CORO1C: variants seen among roughly 807,000 people sequenced by gnomAD.
CORO1C encodes coronin 1C, also known as coronin-1C.
CORO1C carries 14 observed loss-of-function variants against 51.2 expected under a neutral mutation model. The ratio of observed to expected loss-of-function variants is 0.27; its 90% confidence interval spans 0.18 to 0.43. The LOEUF (loss-of-function observed/expected upper bound fraction) is 0.43, where lower values mean the gene tolerates loss of function less well. Among genes scored for constraint, CORO1C ranks in the 20% least tolerant of loss-of-function variants. The pLI, the probability that CORO1C is intolerant of heterozygous loss-of-function variation, is 1.00. For synonymous variants in CORO1C, 181 were observed against 210.5 expected (o/e 0.86, Z 1.21); for missense variants, 417 against 607.8 (o/e 0.69, Z 3.30).
chr12:108,704,016 G>T (rs1389135345), intron 1 of CORO1C, among the ~76,000 whole-genome samples: 1 of 152,162 alleles, frequency 6.6e-6, no homozygotes, highest in African/African-American at 2.4e-5. Flanking sequence ...ATTTGAGGAA[G>T]GCCTCTCACT....
intron 2 of CORO1C, among the ~76,000 whole-genome samples, chr12:108,680,465 G>A (rs141619729): frequency 8.0e-4 from 122 of 152,334 alleles, no homozygotes; most frequent in African/African-American, 2.8e-3. Context: ...ACAGGAAGGA[G>A]CCACACAGTT....
intron 1 of CORO1C, among the ~76,000 whole-genome samples, chr12:108,721,645 G>A (rs947177977): frequency 6.6e-6 from 1 of 152,162 alleles, no homozygotes; most frequent in African/African-American, 2.4e-5. Flanking sequence ...AATGAAAAGA[G>A]TTCTTTGAAA....
intron 3 of CORO1C, 139 bp downstream of exon 3, chr12:108,678,133 A>G: frequency 1.6e-6 from 1 of 637,680 alleles, no homozygotes; most frequent in South Asian, 4.4e-5. Context: ...AATTATTGTA[A>G]AATCCAACAG....
At chr12:108,657,075 T>A (rs552086064) in intron 6 of CORO1C, among the ~76,000 whole-genome samples, 3,843 of 151,922 alleles carry the variant, frequency 0.025, 176 homozygotes, top group African/African-American at 0.089. Flanking sequence ...ATTAAAAAAA[T>A]AAAAAATATA....
intron 2 of CORO1C, among the ~76,000 whole-genome samples, chr12:108,695,688 T>A (rs1217534599): frequency 6.6e-6 from 1 of 151,852 alleles, no homozygotes; most frequent in Non-Finnish European, 1.5e-5. Context: ...TGAATCAAGA[T>A]CTCTTCCTCA....
chr12:108,728,497 G>A (rs973592808), intron 1 of CORO1C, among the ~76,000 whole-genome samples: 13 of 152,060 alleles, frequency 8.5e-5, no homozygotes, highest in South Asian at 2.1e-4. Context: ...TTTTGGGGGG[G>A]ATGAAAATGT....
intron 1 of CORO1C, among the ~76,000 whole-genome samples, chr12:108,703,767 C>T (rs1299513964): frequency 1.0e-5 from 1 of 97,596 alleles, no homozygotes; most frequent in East Asian, 1.9e-3. Context: ...CAGGAGAGGC[C>T]TGACTATGGG....
rs1283594793 is a variant in CORO1C at position 108,731,448 on chromosome 12, G to GCGC, written c.-28_-26dup. 1.3e-5 allele frequency: 2 copies of GCGC among 152,912 alleles called. No individual in the cohort carries two copies. Among genetic ancestry groups the GCGC allele is most frequent in the Non-Finnish European group, 2.9e-5 (2 of 68,752 alleles). 9.5% of individuals were successfully genotyped at this position (152,912 alleles called of 1,614,324 possible). A position where few individuals can be genotyped will look rare whatever the true frequency, so the allele number is the denominator to read the frequency against. Reference sequence around the variant, plus strand: ...GCTCACCCGGGCCGAGGTGCCTGAGGCGCCGCCGCCGAAGTCCCCGCTGCA... The same window carrying GCGC: ...GCTCACCCGGGCCGAGGTGCCTGAGGCGCCGCCGCCGCCGAAGTCCCCGCTGCA... On this transcript the variant is annotated 5_prime_UTR_variant, in exon 1 of 11. Transcript: ENST00000261401. This position sits in a 1 kb window ranked among gnomAD's most constrained non-coding sequence, Gnocchi z 5.2.
At chr12:108,703,055 A>C in intron 1 of CORO1C, 1 of 1,114,870 alleles carries the variant, frequency 9.0e-7, no homozygotes, top group East Asian at 2.8e-5. Flanking sequence ...GACAGCTTCC[A>C]TGAGGTGGTG....
intron 1 of CORO1C, among the ~76,000 whole-genome samples, chr12:108,714,466 A>C (rs948150255): frequency 8.7e-5 from 13 of 150,024 alleles, no homozygotes; most frequent in Non-Finnish European, 1.3e-4. Context: ...ACACACACAC[A>C]CCCCAAGGAT....
rs1029014168 is a variant in CORO1C, at chr12:108,731,408, C to G, written c.-6+21G>C. The G allele has an allele frequency of 6.6e-6, 1 of 152,524 alleles. No homozygotes were observed. 9.4% of individuals were successfully genotyped at this position (152,524 alleles called of 1,614,324 possible). A position where few individuals can be genotyped will look rare whatever the true frequency, so the allele number is the denominator to read the frequency against. ...GCCCGACTCGCTCTCAGGCTGCCCC[C>G]GCCGGGCGCGAGCCGCTCACCCGGG... On this transcript the variant is annotated intron_variant, in intron 1 of 10. Transcript: ENST00000261401. This position sits in a 1 kb window ranked among gnomAD's most constrained non-coding sequence, Gnocchi z 5.2.
chr12:108,660,462 A>G (rs990631261), intron 4 of CORO1C, among the ~76,000 whole-genome samples: 1 of 151,700 alleles, frequency 6.6e-6, no homozygotes, highest in African/African-American at 2.4e-5. Context: ...AAAAAAAAAA[A>G]AAAAAAAAAA....
intron 1 of CORO1C, among the ~76,000 whole-genome samples, chr12:108,729,159 TAG>T (rs1356065790): frequency 2.6e-5 from 4 of 152,218 alleles, no homozygotes; most frequent in Non-Finnish European, 4.4e-5. Context: ...TCATAGTCGT[TAG>T]AGTGACTCTC....
chr12:108,659,733 G>A (rs1592857460), intron 4 of CORO1C, among the ~76,000 whole-genome samples: 4 of 152,144 alleles, frequency 2.6e-5, no homozygotes, highest in African/African-American at 2.4e-5. Flanking sequence ...ACACAGCTTT[G>A]GGATATTAAA....
Position 108,658,885 on chromosome 12 carries a change from T to TC in CORO1C, c.482dup (p.Thr162AsnfsTer41). On this transcript the variant is annotated frameshift_variant, in exon 5 of 11. Coordinates refer to ENST00000261401, the MANE Select transcript of CORO1C (RefSeq NM_014325.4). LOFTEE classifies it high-confidence loss of function. The surrounding 1 kb of genome is among the most constrained non-coding windows in gnomAD (Gnocchi z 4.9). ...CCAAGTTTATAAGGGCTTCCCCTGT[T>TC]CCCACATTCCAGATGATAATGGCAT... is the stretch of plus-strand genomic sequence containing the variant. The TC allele has an allele frequency of 6.2e-7, 1 of 1,613,042 alleles. No individual in the cohort carries two copies. Among genetic ancestry groups the TC allele is most frequent in the Non-Finnish European group, 8.5e-7 (1 of 1,179,018 alleles).
intron 1 of CORO1C, among the ~76,000 whole-genome samples, chr12:108,727,038 C>T (rs1271024255): frequency 6.6e-6 from 1 of 152,130 alleles, no homozygotes; most frequent in Non-Finnish European, 1.5e-5. Flanking sequence ...TCAGAGAAAC[C>T]CACTGACCTC....
At chr12:108,662,967 T>A (rs1355211620) in intron 3 of CORO1C, among the ~76,000 whole-genome samples, 1 of 152,074 alleles carries the variant, frequency 6.6e-6, no homozygotes, top group African/African-American at 2.4e-5. Context: ...AAAGAACTCT[T>A]AGAATTCAAC....
intron 1 of CORO1C, chr12:108,702,913 T>C (rs756699217): frequency 4.6e-6 from 7 of 1,535,510 alleles, no homozygotes; most frequent in Non-Finnish European, 6.1e-6. Context: ...CAGCTGTTAT[T>C]GCCAGACTTT....
intron 1 of CORO1C, among the ~76,000 whole-genome samples, chr12:108,706,436 T>A (rs1331600058): frequency 6.6e-6 from 1 of 152,002 alleles, no homozygotes; most frequent in Non-Finnish European, 1.5e-5. Flanking sequence ...CCAAGGCAAT[T>A]AGGCAAGAAA....
Sources: gnomAD v4.1 joint callset for allele counts (sites outside exome capture counted in the v4.1 genomes callset) on GRCh38, gnomAD v4.1.1 for gene constraint, Gnocchi (gnomAD v3.1) non-coding constraint, MANE v1.5 for transcripts, NCBI Gene and HGNC (gene_info 2026-07-23, HGNC 2026-07-21) for gene names.